Variants in STIM2 observed in about 807,000 individuals in gnomAD.
The protein encoded by STIM2 is stromal interaction molecule 2.
Under a neutral mutation model 85.8 loss-of-function variants are expected in STIM2, and 31 were observed. The observed-to-expected ratio is 0.36, with a 90% CI of 0.27 to 0.49. The LOEUF (loss-of-function observed/expected upper bound fraction) is 0.49, where lower values mean the gene tolerates loss of function less well. Among genes scored for constraint, STIM2 ranks in the 20% least tolerant of loss-of-function variants. STIM2 has a pLI of 0.98. For synonymous variants in STIM2, 356 were observed against 331.1 expected (o/e 1.08, Z -0.82); for missense variants, 841 against 927.6 (o/e 0.91, Z 1.21).
intron 2 of STIM2, among the ~76,000 whole-genome samples, chr4:26,923,104 C>A (rs1724867936): frequency 6.6e-6 from 1 of 151,192 alleles, no homozygotes; most frequent in Admixed American, 6.6e-5. Context: ...AGGCACCCCC[C>A]AGCAGGGGCA....
chr4:26,863,563 G>A (rs984646251), intron 1 of STIM2, among the ~76,000 whole-genome samples: 5 of 151,912 alleles, frequency 3.3e-5, no homozygotes, highest in Non-Finnish European at 7.4e-5. Flanking sequence ...TTTCTTTTAT[G>A]GTTCTATTTG....
chr4:27,009,847 A>G (rs1370476297), intron 10 of STIM2, among the ~76,000 whole-genome samples: 2 of 152,234 alleles, frequency 1.3e-5, no homozygotes, highest in Non-Finnish European at 2.9e-5. Flanking sequence ...ACACTGATTC[A>G]TAAGTACACG....
chr4:27,015,528 C>T (rs1728701338), intron 10 of STIM2, among the ~76,000 whole-genome samples: 1 of 151,778 alleles, frequency 6.6e-6, no homozygotes, highest in South Asian at 2.1e-4. Context: ...TAGTCTTTGC[C>T]TGAAAATACT....
intron 3 of STIM2, among the ~76,000 whole-genome samples, chr4:26,961,235 T>A (rs574819027): frequency 2.8e-4 from 42 of 152,262 alleles, no homozygotes; most frequent in Non-Finnish European, 1.2e-4. Flanking sequence ...AGACAGAGGC[T>A]CTGGCCAAAT....
chr4:26,982,300 A>G lies in STIM2; in HGVS notation c.398-13079A>G, dbSNP rs142838546. Among the ~76,000 whole-genome samples the G allele has an allele frequency of 3.3e-4, 50 of 152,260 alleles. 1 individual carries two copies. In the East Asian group the frequency reaches 9.5e-3, roughly 29 times the overall value. Reference sequence around the variant, plus strand: ...GAAGATTGATCTTCTGCATTTATTCATTTATATCCTATTTTATTCAGTCAG... The same window carrying G: ...GAAGATTGATCTTCTGCATTTATTCGTTTATATCCTATTTTATTCAGTCAG... On this transcript the variant is annotated intron_variant, in intron 3 of 11. Transcript: ENST00000467087.
At chr4:26,930,938 G>C (rs1725185352) in intron 2 of STIM2, among the ~76,000 whole-genome samples, 1 of 152,114 alleles carries the variant, frequency 6.6e-6, no homozygotes, top group African/African-American at 2.4e-5. Context: ...TGCAGCTTAG[G>C]TGGGTCTTCT....
At position 27,025,216 on chromosome 4, in the gene STIM2, AC is replaced by A. The variant is rs1395074757; in HGVS notation, c.*2221del. 2 of 152,244 alleles carry A rather than the reference AC, an allele frequency of 1.3e-5. No individual in the cohort carries two copies. The highest frequency in any genetic ancestry group is 2.4e-5 in the African/African-American group (1 of 41,474). The allele number at this position is 152,244 out of a possible 1,614,324, so 9.4% of individuals were successfully genotyped here. On this transcript the variant is annotated 3_prime_UTR_variant, in exon 12 of 12. Transcript: ENST00000467087. ...TACAGTATACACATTTGTAAATTCAACAGGAAATTATTGAGTTTTGGAAAGC... is the reference window on the plus strand; with the variant it reads ...TACAGTATACACATTTGTAAATTCAAAGGAAATTATTGAGTTTTGGAAAGC...
chr4:27,012,074 A>G (rs532267403), intron 10 of STIM2, among the ~76,000 whole-genome samples: 1 of 152,100 alleles, frequency 6.6e-6, no homozygotes, highest in African/African-American at 2.4e-5. Flanking sequence ...TCTCAGCTTC[A>G]TTCCTGTTCT....
intron 7 of STIM2, among the ~76,000 whole-genome samples, chr4:27,003,600 C>T (rs557949674): frequency 1.1e-3 from 161 of 151,902 alleles, no homozygotes; most frequent in Non-Finnish European, 1.5e-3. Flanking sequence ...AGGCATTGCA[C>T]GGAGTCCTTT....
chr4:26,873,413 A>G lies in STIM2; in HGVS notation c.151+12044A>G, dbSNP rs1026173792. 1.8e-5 allele frequency: 3 copies of G among 169,818 alleles called. No individual in the cohort carries two copies. The Admixed American group carries it at 1.8e-4, about 10-fold the overall frequency. 10.5% of individuals were successfully genotyped at this position (169,818 alleles called of 1,614,324 possible). A position where few individuals can be genotyped will look rare whatever the true frequency, so the allele number is the denominator to read the frequency against. On this transcript the variant is annotated intron_variant, in intron 1 of 11. Transcript: ENST00000467087. ...AGACTCCGTCTTTAAAAAAAAAAAAAAAGTCCTTTCCATTCTCATCGCTAC... is the reference window on the plus strand; with the variant it reads ...AGACTCCGTCTTTAAAAAAAAAAAAGAAGTCCTTTCCATTCTCATCGCTAC...
At position 27,024,696 on chromosome 4, in the gene STIM2, A is replaced by C. The variant is rs1729027480; in HGVS notation, c.*1700A>C. The C allele has an allele frequency of 6.6e-6, 1 of 152,228 alleles. No homozygotes were observed. The allele number at this position is 152,228 out of a possible 1,614,324, so 9.4% of individuals were successfully genotyped here. ...GATTGAAATGAACATAGCGTTTTGCACTAATGATAAGATAACCTGAGAGGT... is the reference window on the plus strand; with the variant it reads ...GATTGAAATGAACATAGCGTTTTGCCCTAATGATAAGATAACCTGAGAGGT... On this transcript the variant is annotated 3_prime_UTR_variant, in exon 12 of 12. Coordinates refer to ENST00000467087, the MANE Select transcript of STIM2 (RefSeq NM_020860.4).
intron 1 of STIM2, among the ~76,000 whole-genome samples, chr4:26,865,240 C>T (rs1722359551): frequency 6.6e-6 from 1 of 152,102 alleles, no homozygotes; most frequent in Non-Finnish European, 1.5e-5. Flanking sequence ...CTCTTCATAT[C>T]CATTTGATCT....
intron 1 of STIM2, among the ~76,000 whole-genome samples, chr4:26,907,924 A>G (rs1724189859): frequency 6.6e-6 from 1 of 152,148 alleles, no homozygotes; most frequent in South Asian, 2.1e-4. Flanking sequence ...CTCTTCCCTT[A>G]TGATTGTAGC....
chr4:26,917,137 A>G (rs1007065041), intron 1 of STIM2, among the ~76,000 whole-genome samples: 2 of 152,228 alleles, frequency 1.3e-5, no homozygotes, highest in East Asian at 1.9e-4. Flanking sequence ...AAAATGACAC[A>G]TAAGCAATTA....
intron 1 of STIM2, among the ~76,000 whole-genome samples, chr4:26,886,577 A>T (rs188311418): frequency 3.0e-4 from 46 of 152,282 alleles, no homozygotes; most frequent in Admixed American, 3.9e-4. Context: ...TGGCATGTGC[A>T]TGGGCCCTGA....
chr4:27,006,806 T>C (rs757399718), intron 7 of STIM2, among the ~76,000 whole-genome samples: 59 of 152,206 alleles, frequency 3.9e-4, no homozygotes, highest in Non-Finnish European at 4.4e-4. Flanking sequence ...AAAAATCAAG[T>C]AGACTCTCAG....
intron 11 of STIM2, among the ~76,000 whole-genome samples, chr4:27,019,102 T>C (rs1728829265): frequency 6.6e-6 from 1 of 152,212 alleles, no homozygotes; most frequent in Non-Finnish European, 1.5e-5. Context: ...GAGTGGTAGT[T>C]TCAGGTATTG....
intron 3 of STIM2, among the ~76,000 whole-genome samples, chr4:26,987,580 G>A (rs2109118848): frequency 6.6e-6 from 1 of 152,174 alleles, no homozygotes; most frequent in Admixed American, 6.5e-5. Flanking sequence ...TTGTTCCAGA[G>A]CCATGCTGCA....
At chr4:26,870,563 T>A (rs1382716758) in intron 1 of STIM2, among the ~76,000 whole-genome samples, 1 of 152,184 alleles carries the variant, frequency 6.6e-6, no homozygotes, top group Non-Finnish European at 1.5e-5. Context: ...AACTATAATT[T>A]AAAAAATTTT....
Sources: allele counts gnomAD v4.1 joint callset (sites outside exome capture counted in the v4.1 genomes callset), GRCh38; gene constraint gnomAD v4.1.1; transcripts MANE v1.5; gene names NCBI Gene and HGNC (gene_info 2026-07-23, HGNC 2026-07-21).